Variants in CDS1 observed in about 807,000 individuals in gnomAD.
CDS1 encodes phosphatidate cytidylyltransferase 1.
Under a neutral mutation model 62.1 loss-of-function variants are expected in CDS1, and 41 were observed. That is an observed-to-expected ratio of 0.66 (90% CI 0.51 to 0.86). The LOEUF is 0.86. CDS1 is among the 40% of genes least tolerant of loss of function. The pLI is 0.00. For synonymous variants in CDS1, 185 were observed against 192.6 expected (o/e 0.96, Z 0.32); for missense variants, 470 against 550.1 (o/e 0.85, Z 1.46).
In CDS1 at chr4:84,635,399, A is replaced by G. The variant is rs1251791512; in HGVS notation, c.810+48A>G. Reference sequence around the variant, plus strand: ...AAGCCACTATGTAACCTTAAAGATTAGCCACTGGAGAACATTTCCAACAAC... The same window carrying G: ...AAGCCACTATGTAACCTTAAAGATTGGCCACTGGAGAACATTTCCAACAAC... On this transcript the variant is annotated intron_variant, in intron 8 of 12. Coordinates refer to ENST00000295887, the MANE Select transcript of CDS1 (RefSeq NM_001263.4). 4 of 881,500 alleles carry G rather than the reference A, an allele frequency of 4.5e-6. No homozygotes were observed. The African/African-American group carries it at 6.7e-5, about 15-fold the overall frequency. 54.6% of individuals were successfully genotyped at this position (881,500 alleles called of 1,614,324 possible). A position where few individuals can be genotyped will look rare whatever the true frequency, so the allele number is the denominator to read the frequency against.
chr4:84,605,390 G>A (rs564182071), intron 2 of CDS1, among the ~76,000 whole-genome samples: 235 of 151,254 alleles, frequency 1.6e-3, no homozygotes, highest in African/African-American at 5.5e-3. Context: ...CATAGCCTGC[G>A]ATCTGAAAAC....
At chr4:84,644,066 T>C (rs1398252488) in intron 11 of CDS1, among the ~76,000 whole-genome samples, 1 of 152,028 alleles carries the variant, frequency 6.6e-6, no homozygotes, top group Non-Finnish European at 1.5e-5. Context: ...GTGGCTGTGG[T>C]TGAGAGTAGG....
chr4:84,640,378 T>C (rs1181760392), intron 9 of CDS1, among the ~76,000 whole-genome samples: 1 of 151,980 alleles, frequency 6.6e-6, no homozygotes, highest in East Asian at 1.9e-4. Context: ...TGTGGACAGC[T>C]AGTTTTAAAA....
chr4:84,628,439 C>T (rs1723922129), intron 5 of CDS1, among the ~76,000 whole-genome samples: 1 of 151,524 alleles, frequency 6.6e-6, no homozygotes, highest in Admixed American at 6.6e-5. Context: ...TCTGAAATTC[C>T]CTCTGTCTCA....
chr4:84,627,946 C>T (rs1723908791), intron 5 of CDS1, among the ~76,000 whole-genome samples: 1 of 152,054 alleles, frequency 6.6e-6, no homozygotes. Context: ...ACTAACCATT[C>T]AGATTAATAG....
intron 5 of CDS1, among the ~76,000 whole-genome samples, chr4:84,621,498 A>G (rs1723684839): frequency 6.6e-6 from 1 of 152,262 alleles, no homozygotes; most frequent in African/African-American, 2.4e-5. Flanking sequence ...GGGAATTTTC[A>G]GAGAACTTGT....
At chr4:84,633,634 A>G (rs927265016) in intron 6 of CDS1, among the ~76,000 whole-genome samples, 1 of 152,202 alleles carries the variant, frequency 6.6e-6, no homozygotes, top group African/African-American at 2.4e-5. Flanking sequence ...TTCTATTTAT[A>G]TATAAATTAA....
intron 5 of CDS1, among the ~76,000 whole-genome samples, chr4:84,622,119 G>T (rs1335293582): frequency 2.0e-5 from 3 of 152,120 alleles, no homozygotes; most frequent in African/African-American, 7.2e-5. Context: ...TTCTGGAATG[G>T]ATTCTTTTTT....
At chr4:84,599,448 A>ATATGCC (rs1722866640) in intron 1 of CDS1, among the ~76,000 whole-genome samples, 1 of 134,386 alleles carries the variant, frequency 7.4e-6, no homozygotes. Flanking sequence ...ATATATATAT[A>ATATGCC]TATGCCTATG....
chr4:84,604,472 T>G, intron 2 of CDS1, 102 bp downstream of exon 2: 3 of 1,090,490 alleles, frequency 2.8e-6, no homozygotes, highest in Non-Finnish European at 4.0e-6. Flanking sequence ...TTTCCAGCCA[T>G]GGTATTAGGT....
intron 1 of CDS1, among the ~76,000 whole-genome samples, chr4:84,593,209 C>G (rs1186075578): frequency 6.6e-6 from 1 of 151,870 alleles, no homozygotes; most frequent in Non-Finnish European, 1.5e-5. Flanking sequence ...TGTAGTAGTC[C>G]CATTTATAAT....
At chr4:84,616,404 A>G (rs1723495760) in intron 3 of CDS1, among the ~76,000 whole-genome samples, 1 of 152,232 alleles carries the variant, frequency 6.6e-6, no homozygotes, top group Admixed American at 6.5e-5. Context: ...AATACCCTGA[A>G]TGGTAGGTTT....
intron 1 of CDS1, among the ~76,000 whole-genome samples, chr4:84,585,044 G>T (rs1722373637): frequency 6.6e-6 from 1 of 152,186 alleles, no homozygotes; most frequent in Non-Finnish European, 1.5e-5. Context: ...ACAAGCTTTT[G>T]TTAAGAGAAA....
In CDS1 at chr4:84,649,011, C is replaced by T. The variant is rs572076865; in HGVS notation, c.*325C>T. Reference sequence around the variant, plus strand: ...AAACACTATAAAATGAGTAAGTTGACGATGTTTTAAGATTGCACCTGGCAG... The same window carrying T: ...AAACACTATAAAATGAGTAAGTTGATGATGTTTTAAGATTGCACCTGGCAG... On this transcript the variant is annotated 3_prime_UTR_variant, in exon 13 of 13. Coordinates refer to ENST00000295887, the MANE Select transcript of CDS1 (RefSeq NM_001263.4). 9.7e-4 allele frequency: 174 copies of T among 179,174 alleles called. No individual in the cohort carries two copies. The highest frequency in any genetic ancestry group is 2.3e-3 in the Middle Eastern group (1 of 426). 11.1% of individuals were successfully genotyped at this position (179,174 alleles called of 1,614,324 possible).
intron 11 of CDS1, 73 bp from the exon 12 acceptor site, chr4:84,645,149 A>G: frequency 4.2e-6 from 4 of 963,628 alleles, no homozygotes; most frequent in Non-Finnish European, 6.7e-6. Flanking sequence ...CATGACGCCA[A>G]AGAGACACAG....
At chr4:84,587,030 G>A (rs1291087886) in intron 1 of CDS1, among the ~76,000 whole-genome samples, 2 of 152,096 alleles carry the variant, frequency 1.3e-5, no homozygotes, top group African/African-American at 4.8e-5. Flanking sequence ...AGAAAAGAGG[G>A]ATGCATGTCT....
At chr4:84,594,727 G>A (rs1046651152) in intron 1 of CDS1, among the ~76,000 whole-genome samples, 5 of 152,076 alleles carry the variant, frequency 3.3e-5, no homozygotes, top group Non-Finnish European at 7.4e-5. Flanking sequence ...TTAAGAGATT[G>A]CTAAATTTGC....
chr4:84,643,018 CT>C lies in CDS1; in HGVS notation c.1033-3del. Reference sequence around the variant, plus strand: ...CCCCTCTCCTCCCCTTCTTTCTCCTCTTTAGGAAAGAGTGAGCTTGTACCCT... The same window carrying C: ...CCCCTCTCCTCCCCTTCTTTCTCCTCTTAGGAAAGAGTGAGCTTGTACCCT... On this transcript the variant is annotated splice_region_variant and splice_polypyrimidine_tract_variant and intron_variant, in intron 10 of 12. Coordinates refer to ENST00000295887, the MANE Select transcript of CDS1 (RefSeq NM_001263.4). The C allele has an allele frequency of 1.9e-6, 3 of 1,588,870 alleles. No individual in the cohort carries two copies. The highest frequency in any genetic ancestry group is 1.2e-5 in the South Asian group (1 of 85,526).
At chr4:84,632,908 G>A (rs1452379450) in intron 6 of CDS1, among the ~76,000 whole-genome samples, 2 of 152,206 alleles carry the variant, frequency 1.3e-5, no homozygotes, top group African/African-American at 4.8e-5. Flanking sequence ...CGGATACCTT[G>A]AGCCCAGGAG....
Sources: gnomAD v4.1 joint callset for allele counts (sites outside exome capture counted in the v4.1 genomes callset) on GRCh38, gnomAD v4.1.1 for gene constraint, MANE v1.5 for transcripts, NCBI Gene and HGNC (gene_info 2026-07-23, HGNC 2026-07-21) for gene names.